Variants in DGKB observed in about 807,000 individuals in gnomAD.
DGKB encodes the protein 90 kDa diacylglycerol kinase.
In DGKB, 67 loss-of-function variants were observed where a neutral mutation model predicts 114.3. The ratio of observed to expected loss-of-function variants is 0.59; its 90% CI spans 0.48 to 0.72. The LOEUF (loss-of-function observed/expected upper bound fraction) is 0.72, where lower values mean the gene tolerates loss of function less well. Among genes scored for constraint, DGKB ranks in the 30% least tolerant of loss-of-function variants. DGKB has a pLI of 0.00. For missense variants in DGKB, 907 were observed against 975.2 expected (o/e 0.93, Z 0.93); for synonymous variants, 398 against 323.1 (o/e 1.23, Z -2.49).
At chr7:14,829,333 TA>T in intron 2 of DGKB, among the ~76,000 whole-genome samples, 1 of 152,226 alleles carries the variant, frequency 6.6e-6, no homozygotes, top group South Asian at 2.1e-4. Context: ...TATAATCAGA[TA>T]AAAGTCAGAA....
intron 23 of DGKB, among the ~76,000 whole-genome samples, chr7:14,187,508 A>T (rs1021998945): frequency 1.1e-4 from 17 of 152,192 alleles, no homozygotes; most frequent in Non-Finnish European, 2.2e-4. Context: ...ACAGAGTCCA[A>T]CAACCAGCCT....
chr7:14,825,980 G>A (rs1433818993), intron 2 of DGKB, among the ~76,000 whole-genome samples: 1 of 152,128 alleles, frequency 6.6e-6, no homozygotes, highest in Non-Finnish European at 1.5e-5. Flanking sequence ...ACTCTCCAAA[G>A]TTCCCTTTGA....
intron 21 of DGKB, among the ~76,000 whole-genome samples, chr7:14,469,059 A>G (rs1780899496): frequency 6.6e-6 from 1 of 152,122 alleles, no homozygotes; most frequent in East Asian, 1.9e-4. Context: ...ATATACAATC[A>G]AGCCTTACTT....
chr7:14,417,471 T>C (rs1583782876), intron 21 of DGKB, among the ~76,000 whole-genome samples: 3 of 152,158 alleles, frequency 2.0e-5, no homozygotes, highest in Admixed American at 2.0e-4. Flanking sequence ...ATTCAGAATA[T>C]TAAATTTGAG....
intron 23 of DGKB, among the ~76,000 whole-genome samples, chr7:14,224,574 G>C (rs1790490014): frequency 6.6e-6 from 1 of 151,752 alleles, no homozygotes; most frequent in East Asian, 2.0e-4. Flanking sequence ...CCATACTTTT[G>C]TATTAGAAAC....
chr7:14,275,741 A>T lies in DGKB; in HGVS notation c.2122+62774T>A, dbSNP rs545440350. ...GTTTAACAATTACATAATGTCAGTG[A>T]TGTCCCACCAGTAACAGATTAGAAG... On this transcript the variant is annotated intron_variant, in intron 23 of 25. Coordinates refer to ENST00000402815, the MANE Select transcript of DGKB (RefSeq NM_001350709.2). Among the ~76,000 whole-genome samples, 7 of 152,334 alleles carry T rather than the reference A, an allele frequency of 4.6e-5. No individual in the cohort carries two copies. In the South Asian group the frequency reaches 1.5e-3, roughly 32 times the overall value.
In DGKB at chr7:14,149,035, T is replaced by C; in HGVS notation, c.*96A>G. On this transcript the variant is annotated 3_prime_UTR_variant, in exon 26 of 26. Transcript: ENST00000402815. ...GTTAAACCACTTCCATGATTTTGCA[T>C]GAGCAGGAGACTTGAAATGGTTCAA... 9.4e-7 allele frequency: 1 copy of C among 1,058,582 alleles called. No individual in the cohort carries two copies. The allele number at this position is 1,058,582 out of a possible 1,614,324, so 65.6% of individuals were successfully genotyped here. A position where few individuals can be genotyped will look rare whatever the true frequency, so the allele number is the denominator to read the frequency against.
chr7:14,171,411 A>C (rs545454555), intron 25 of DGKB, among the ~76,000 whole-genome samples: 8 of 152,302 alleles, frequency 5.3e-5, no homozygotes, highest in African/African-American at 1.9e-4. Flanking sequence ...TTTTGCATTA[A>C]AATCTTGTTG....
At chr7:14,699,434 G>T (rs71538883) in intron 7 of DGKB, among the ~76,000 whole-genome samples, 10,624 of 152,098 alleles carry the variant, frequency 0.07, 658 homozygotes, top group East Asian at 0.23. Flanking sequence ...CCCCACCTAA[G>T]ACTCAGTTTT....
At chr7:14,712,913 G>C (rs1827605303) in intron 6 of DGKB, among the ~76,000 whole-genome samples, 1 of 151,854 alleles carries the variant, frequency 6.6e-6, no homozygotes, top group Admixed American at 6.6e-5. Context: ...CTGAACAAAA[G>C]GATCATATTT....
At chr7:14,789,686 T>G (rs1161359699) in intron 2 of DGKB, among the ~76,000 whole-genome samples, 1 of 151,838 alleles carries the variant, frequency 6.6e-6, no homozygotes, top group East Asian at 1.9e-4. Context: ...TCCCAGTAGC[T>G]GGGACTTACA....
intron 20 of DGKB, among the ~76,000 whole-genome samples, chr7:14,488,680 T>C (rs1784170997): frequency 1.3e-5 from 2 of 148,438 alleles, no homozygotes; most frequent in South Asian, 4.2e-4. Flanking sequence ...TATATAAAAT[T>C]AGCTCGGTGT....
At chr7:14,283,682 A>C (rs7787276) in intron 23 of DGKB, among the ~76,000 whole-genome samples, 133,821 of 151,374 alleles carry the variant, frequency 0.88, 59,464 homozygotes, top group African/African-American at 0.97. Flanking sequence ...ATCAATGGAA[A>C]AGAACAGAGC....
intron 2 of DGKB, among the ~76,000 whole-genome samples, chr7:14,777,277 G>T (rs546199840): frequency 6.6e-6 from 1 of 152,236 alleles, no homozygotes; most frequent in Non-Finnish European, 1.5e-5. Flanking sequence ...TTGAGTTAAT[G>T]CTGGAATGAG....
At chr7:14,257,698 A>G (rs1796144859) in intron 23 of DGKB, among the ~76,000 whole-genome samples, 1 of 152,122 alleles carries the variant, frequency 6.6e-6, no homozygotes, top group African/African-American at 2.4e-5. Flanking sequence ...CTCCACAGCC[A>G]CGTGGAACTA....
chr7:14,290,436 A>C (rs1187774617), intron 23 of DGKB, among the ~76,000 whole-genome samples: 2 of 152,106 alleles, frequency 1.3e-5, no homozygotes, highest in South Asian at 2.1e-4. Context: ...CCTGCACACA[A>C]AGAACCCCAA....
chr7:14,703,639 A>T (rs1002902199), intron 6 of DGKB, among the ~76,000 whole-genome samples: 1 of 152,116 alleles, frequency 6.6e-6, no homozygotes, highest in African/African-American at 2.4e-5. Flanking sequence ...TGGTGATGGG[A>T]GGCGGCAGTG....
intron 25 of DGKB, among the ~76,000 whole-genome samples, chr7:14,167,524 G>A (rs749329618): frequency 6.6e-6 from 1 of 152,188 alleles, no homozygotes; most frequent in Admixed American, 6.5e-5. Context: ...ATCATGGAGA[G>A]GAGGTGGCTT....
At chr7:14,529,277 T>C (rs916542901) in intron 20 of DGKB, among the ~76,000 whole-genome samples, 13 of 152,070 alleles carry the variant, frequency 8.5e-5, no homozygotes, top group African/African-American at 3.1e-4. Context: ...GTTTTGAAGA[T>C]GGGCAAGAAG....
Sources: gnomAD v4.1 joint callset for allele counts (sites outside exome capture counted in the v4.1 genomes callset) on GRCh38, gnomAD v4.1.1 for gene constraint, MANE v1.5 for transcripts, NCBI Gene and HGNC (gene_info 2026-07-23, HGNC 2026-07-21) for gene names.